Variants in GHR observed in about 807,000 individuals in gnomAD.
GHR encodes the protein growth hormone receptor, also known as GH receptor.
GHR carries 35 observed loss-of-function variants against 67.1 expected under a neutral mutation model. The observed-to-expected ratio is 0.52, with a 90% confidence interval of 0.40 to 0.69. The LOEUF is 0.69. Among genes scored for constraint, GHR ranks in the 30% least tolerant of loss-of-function variants. The pLI is 0.00. For synonymous variants in GHR, 272 were observed against 269.1 expected (o/e 1.01, Z -0.10); for missense variants, 792 against 764.6 (o/e 1.04, Z -0.42).
intron 1 of GHR, among the ~76,000 whole-genome samples, chr5:42,542,489 A>G (rs750764372): frequency 1.1e-4 from 16 of 152,178 alleles, no homozygotes; most frequent in Non-Finnish European, 1.6e-4. Flanking sequence ...GAGCAGAGAA[A>G]TGGGTCAGTA....
chr5:42,473,873 CAAAAAAAAA>C (rs532325898), intron 1 of GHR, among the ~76,000 whole-genome samples: 1 of 83,142 alleles, frequency 1.2e-5, no homozygotes, highest in African/African-American at 4.6e-5. Context: ...GACTTTGTCT[CAAAAAAAAA>C]AAAAAAAAGA....
At chr5:42,521,740 C>A (rs1747483917) in intron 1 of GHR, among the ~76,000 whole-genome samples, 1 of 152,030 alleles carries the variant, frequency 6.6e-6, no homozygotes, top group African/African-American at 2.4e-5. Flanking sequence ...ATATTGACTT[C>A]TTATTTTAGA....
intron 3 of GHR, among the ~76,000 whole-genome samples, chr5:42,646,686 T>G (rs1389891847): frequency 2.0e-5 from 3 of 152,172 alleles, no homozygotes; most frequent in Non-Finnish European, 2.9e-5. Context: ...AGAGCCTAGA[T>G]AGAAAATATT....
At chr5:42,568,863 C>T (rs1750103620) in intron 2 of GHR, among the ~76,000 whole-genome samples, 2 of 152,182 alleles carry the variant, frequency 1.3e-5, no homozygotes. Flanking sequence ...TTCTTAAGAG[C>T]TTCCTATTTT....
Position 42,534,212 on chromosome 5 carries a change from A to G in GHR, c.-11-31652A>G, listed in dbSNP as rs192435679. 6.1e-3 allele frequency among the ~76,000 whole-genome samples: 723 copies of G among 119,282 alleles called. 28 individuals are homozygous for G. Among genetic ancestry groups the G allele is most frequent in the African/African-American group, 0.029 (675 of 23,286 alleles). 78.3% of individuals were successfully genotyped at this position (119,282 alleles called of 152,430 possible). A position where few individuals can be genotyped will look rare whatever the true frequency, so the allele number is the denominator to read the frequency against. On this transcript the variant is annotated intron_variant, in intron 1 of 9. Coordinates refer to ENST00000230882, the MANE Select transcript of GHR (RefSeq NM_000163.5). The stretch of plus-strand genomic sequence containing the variant: ...TATGTACATGTGTATATATGTATAT[A>G]TGTATATATGTACATGTGTATATGT...
At position 42,700,117 on chromosome 5, in the gene GHR, C is replaced by T. The variant is rs1193941080; in HGVS notation, c.618+115C>T. 10 of 700,756 alleles carry T rather than the reference C, an allele frequency of 1.4e-5. No individual in the cohort carries two copies. In the East Asian group the frequency reaches 2.7e-4, roughly 19 times the overall value. 43.4% of individuals were successfully genotyped at this position (700,756 alleles called of 1,614,324 possible). A position where few individuals can be genotyped will look rare whatever the true frequency, so the allele number is the denominator to read the frequency against. On this transcript the variant is annotated intron_variant, in intron 6 of 9. Transcript: ENST00000230882. ...TACCACATGTTCATGCTGTATGCTC[C>T]ATAATTTCTTAATTGAGAAAACATT...
In GHR at chr5:42,713,488, C is replaced by A; in HGVS notation, c.844C>A (p.Leu282Ile). The change falls in exon 8 of 10, where the codon CTA (leucine) becomes ATA (isoleucine). Residue 282 changes from leucine (L) to isoleucine (I), a missense_variant. Coordinates refer to ENST00000230882, the MANE Select transcript of GHR (RefSeq NM_000163.5). Reference protein sequence around the residue: ...IFGIFGLTVMLFVFLFSKQQR... With the variant: ...IFGIFGLTVMIFVFLFSKQQR... ...TGGAATATTTGGGCTAACAGTGATG[C>A]TATTTGTATTCTTATTTTCTAAACA... The A allele has an allele frequency of 6.7e-7, 1 of 1,481,762 alleles. No homozygotes were observed. The highest frequency in any genetic ancestry group is 9.4e-7 in the Non-Finnish European group (1 of 1,063,296). 91.8% of individuals were successfully genotyped at this position (1,481,762 alleles called of 1,614,324 possible).
rs140104931 is a variant in GHR at position 42,560,533 on chromosome 5, A to T, written c.-11-5331A>T. Reference sequence around the variant, plus strand: ...AATTTTTGATAAAGGTGTTATGGAGACTTGTCACCAAATAGTCTAGTCTTC... The same window carrying T: ...AATTTTTGATAAAGGTGTTATGGAGTCTTGTCACCAAATAGTCTAGTCTTC... On this transcript the variant is annotated intron_variant, in intron 1 of 9. Coordinates refer to ENST00000230882, the MANE Select transcript of GHR (RefSeq NM_000163.5). Among the ~76,000 whole-genome samples the T allele has an allele frequency of 5.1e-3, 783 of 152,150 alleles. 3 individuals are homozygous for T. The highest frequency in any genetic ancestry group is 7.5e-3 in the Non-Finnish European group (512 of 67,992).
At chr5:42,664,495 A>T (rs1351746205) in intron 3 of GHR, among the ~76,000 whole-genome samples, 1 of 152,228 alleles carries the variant, frequency 6.6e-6, no homozygotes, top group Non-Finnish European at 1.5e-5. Context: ...CAATGGGAAA[A>T]GGATTCCCTA....
intron 2 of GHR, among the ~76,000 whole-genome samples, chr5:42,603,915 G>T (rs965485566): frequency 1.3e-4 from 20 of 152,106 alleles, no homozygotes; most frequent in African/African-American, 4.3e-4. Flanking sequence ...AGGTTATTTT[G>T]CCTGTACTTC....
intron 2 of GHR, among the ~76,000 whole-genome samples, chr5:42,627,531 T>G (rs1328331975): frequency 6.6e-6 from 1 of 152,256 alleles, no homozygotes; most frequent in Admixed American, 6.5e-5. Flanking sequence ...AAGAGATTTA[T>G]TCTGAGCCAA....
At chr5:42,499,326 T>C (rs1746442505) in intron 1 of GHR, among the ~76,000 whole-genome samples, 1 of 152,210 alleles carries the variant, frequency 6.6e-6, no homozygotes, top group Admixed American at 6.5e-5. Flanking sequence ...AGTTGACTAC[T>C]GTTCAGTCAG....
At chr5:42,501,714 A>G (rs1746547762) in intron 1 of GHR, among the ~76,000 whole-genome samples, 1 of 152,132 alleles carries the variant, frequency 6.6e-6, no homozygotes, top group African/African-American at 2.4e-5. Flanking sequence ...TGGGGAGAAA[A>G]TCTTCCTGGT....
chr5:42,538,809 C>G (rs562095858), intron 1 of GHR, among the ~76,000 whole-genome samples: 1 of 152,252 alleles, frequency 6.6e-6, no homozygotes, highest in East Asian at 1.9e-4. Flanking sequence ...CTCAGGAACA[C>G]CAATTATTCT....
At chr5:42,466,002 C>T (rs765010762) in intron 1 of GHR, 5 of 589,992 alleles carry the variant, frequency 8.5e-6, no homozygotes, top group Non-Finnish European at 1.5e-5. Flanking sequence ...TGTCTTATTC[C>T]TTCTTCTTTT....
chr5:42,553,007 C>G (rs1454633657), intron 1 of GHR, among the ~76,000 whole-genome samples: 3 of 152,174 alleles, frequency 2.0e-5, no homozygotes, highest in African/African-American at 7.2e-5. Flanking sequence ...TGCAAAAATG[C>G]CCCTCTCAAT....
chr5:42,544,093 AG>A (rs1326493576), intron 1 of GHR, among the ~76,000 whole-genome samples: 8 of 152,244 alleles, frequency 5.3e-5, no homozygotes, highest in African/African-American at 1.9e-4. Flanking sequence ...AAAAGCCTAA[AG>A]GCAGCCTGGC....
At chr5:42,491,745 C>T (rs762186571) in intron 1 of GHR, among the ~76,000 whole-genome samples, 11 of 152,070 alleles carry the variant, frequency 7.2e-5, no homozygotes, top group Non-Finnish European at 1.0e-4. Context: ...AGAAGGAAGG[C>T]GGAATGGATG....
intron 2 of GHR, among the ~76,000 whole-genome samples, chr5:42,578,751 A>C (rs1750907925): frequency 1.3e-5 from 2 of 152,190 alleles, no homozygotes; most frequent in African/African-American, 2.4e-5. Flanking sequence ...GACACTACTG[A>C]AGTGGTATCA....
Sources: gnomAD v4.1 joint callset for allele counts (sites outside exome capture counted in the v4.1 genomes callset) on GRCh38, gnomAD v4.1.1 for gene constraint, MANE v1.5 for transcripts, NCBI Gene and HGNC (gene_info 2026-07-23, HGNC 2026-07-21) for gene names.